Variants in DLC1 observed in about 807,000 individuals in gnomAD.
The protein encoded by DLC1 is rho GTPase-activating protein 7.
Under a neutral mutation model 140.3 loss-of-function variants are expected in DLC1, and 54 were observed. The ratio of observed to expected loss-of-function variants is 0.38; its 90% CI spans 0.31 to 0.48. The LOEUF is 0.48. Among genes scored for constraint, DLC1 ranks in the 20% least tolerant of loss-of-function variants. The pLI is 0.96. For missense variants in DLC1, 2,536 were observed against 1,907.0 expected (o/e 1.33, Z -6.14); for synonymous variants, 986 against 728.1 (o/e 1.35, Z -5.70).
intron 2 of DLC1, among the ~76,000 whole-genome samples, chr8:13,403,229 T>C (rs958247870): frequency 1.3e-5 from 2 of 152,350 alleles, no homozygotes; most frequent in Non-Finnish European, 2.9e-5. Flanking sequence ...ACTACATTTT[T>C]TTGTCATCAT....
intron 4 of DLC1, among the ~76,000 whole-genome samples, chr8:13,376,633 A>G (rs891991547): frequency 6.6e-6 from 1 of 152,142 alleles, no homozygotes; most frequent in African/African-American, 2.4e-5. Flanking sequence ...GATTTTTTGG[A>G]TTTATAAGTA....
chr8:13,103,361 C>T (rs536999595), intron 7 of DLC1, among the ~76,000 whole-genome samples: 46 of 146,174 alleles, frequency 3.1e-4, no homozygotes, highest in African/African-American at 9.8e-4. Context: ...TAAATAAATA[C>T]CTTTATGTTT....
At chr8:13,302,867 G>C (rs1832258328) in intron 5 of DLC1, among the ~76,000 whole-genome samples, 1 of 151,928 alleles carries the variant, frequency 6.6e-6, no homozygotes, top group Non-Finnish European at 1.5e-5. Context: ...AGACATGAAA[G>C]AAACAAGATT....
intron 5 of DLC1, among the ~76,000 whole-genome samples, chr8:13,283,527 C>CT (rs1202789444): frequency 1.3e-5 from 2 of 151,922 alleles, no homozygotes; most frequent in Non-Finnish European, 2.9e-5. Context: ...TTCTTTCTTT[C>CT]TTTTTTGAGA....
chr8:13,094,670 A>C, intron 12 of DLC1, 89 bp downstream of exon 12: 4 of 1,525,056 alleles, frequency 2.6e-6, no homozygotes, highest in Non-Finnish European at 3.6e-6. Context: ...CATCTCAAAA[A>C]AAAAAAGAAT....
intron 5 of DLC1, among the ~76,000 whole-genome samples, chr8:13,181,805 A>G (rs1826056690): frequency 6.6e-6 from 1 of 152,120 alleles, no homozygotes; most frequent in Non-Finnish European, 1.5e-5. Context: ...ATACATGTAC[A>G]TGTGTCTTTA....
At chr8:13,468,635 G>A (rs1040274352) in intron 2 of DLC1, among the ~76,000 whole-genome samples, 3 of 151,534 alleles carry the variant, frequency 2.0e-5, no homozygotes, top group Admixed American at 6.6e-5. Context: ...TCAGCCTCCC[G>A]AAGTGCTAGG....
At chr8:13,284,298 G>A (rs530313398) in intron 5 of DLC1, among the ~76,000 whole-genome samples, 3 of 152,136 alleles carry the variant, frequency 2.0e-5, no homozygotes, top group African/African-American at 2.4e-5. Context: ...AGGCCAAGGC[G>A]AGTGGATCAC....
chr8:13,494,064 A>T (rs557841408), intron 2 of DLC1, among the ~76,000 whole-genome samples: 1 of 152,232 alleles, frequency 6.6e-6, no homozygotes, highest in African/African-American at 2.4e-5. Context: ...ATAGCATCTG[A>T]TAAACATCAC....
chr8:13,380,525 C>T (rs1404770584), intron 4 of DLC1, among the ~76,000 whole-genome samples: 1 of 152,180 alleles, frequency 6.6e-6, no homozygotes, highest in Non-Finnish European at 1.5e-5. Context: ...AGTCACCCCA[C>T]TTTGGGTTGT....
intron 5 of DLC1, among the ~76,000 whole-genome samples, chr8:13,132,205 C>CTGTGTGTGTGTGTGTGTGTG (rs147699066): frequency 5.8e-5 from 8 of 139,112 alleles, no homozygotes; most frequent in African/African-American, 2.2e-4. Flanking sequence ...AAAACCAAAA[C>CTGTGTGTGTGTGTGTGTGTG]TGTGTGTGTG....
chr8:13,164,390 G>C (rs1407167275), intron 5 of DLC1, among the ~76,000 whole-genome samples: 1 of 151,848 alleles, frequency 6.6e-6, no homozygotes, highest in Non-Finnish European at 1.5e-5. Flanking sequence ...GTCTATCTGT[G>C]TGTCAAACAA....
At chr8:13,454,942 A>T (rs569472682) in intron 2 of DLC1, among the ~76,000 whole-genome samples, 3 of 152,126 alleles carry the variant, frequency 2.0e-5, no homozygotes, top group Admixed American at 6.5e-5. Context: ...ATAGATAAGC[A>T]TGTTTGGGAC....
chr8:13,552,446 A>G (rs1803898848), intron 1 of DLC1, among the ~76,000 whole-genome samples: 1 of 150,860 alleles, frequency 6.6e-6, no homozygotes, highest in South Asian at 2.1e-4. Context: ...ATGAAAATAA[A>G]TAAAAATATA....
chr8:13,235,650 G>C (rs1028972896), intron 5 of DLC1, among the ~76,000 whole-genome samples: 3 of 151,840 alleles, frequency 2.0e-5, no homozygotes, highest in Admixed American at 2.0e-4. Flanking sequence ...GGTAACTATA[G>C]AGCTTTTTTT....
intron 2 of DLC1, among the ~76,000 whole-genome samples, chr8:13,424,903 C>T (rs1167998104): frequency 6.6e-6 from 1 of 152,102 alleles, no homozygotes; most frequent in Non-Finnish European, 1.5e-5. Context: ...GTATTTATCG[C>T]AATCTCTGTG....
At chr8:13,326,273 T>G (rs1158973089) in intron 4 of DLC1, among the ~76,000 whole-genome samples, 1 of 152,172 alleles carries the variant, frequency 6.6e-6, no homozygotes, top group Non-Finnish European at 1.5e-5. Context: ...GAGAAACATT[T>G]GGCCATAAGA....
chr8:13,222,465 T>C (rs573781921), intron 5 of DLC1, among the ~76,000 whole-genome samples: 4 of 152,292 alleles, frequency 2.6e-5, no homozygotes, highest in South Asian at 2.1e-4. Flanking sequence ...AAGTAACATA[T>C]TATGTTTTTT....
intron 4 of DLC1, among the ~76,000 whole-genome samples, chr8:13,358,687 G>T (rs1295159563): frequency 1.7e-5 from 2 of 118,084 alleles, no homozygotes; most frequent in Non-Finnish European, 4.0e-5. Flanking sequence ...GCTAAGGAAG[G>T]AGCCAAAAAA....
Sources: allele counts gnomAD v4.1 joint callset (sites outside exome capture counted in the v4.1 genomes callset), GRCh38; gene constraint gnomAD v4.1.1; transcripts MANE v1.5; gene names NCBI Gene and HGNC (gene_info 2026-07-23, HGNC 2026-07-21).